Variants in NTNG1 observed in about 807,000 individuals in gnomAD.
NTNG1 encodes the protein netrin-G1.
A neutral mutation model predicts 54.0 loss-of-function variants in NTNG1; 16 were observed. The ratio of observed to expected loss-of-function variants is 0.30; its 90% CI spans 0.20 to 0.45. NTNG1 has a LOEUF of 0.45. Among genes scored for constraint, NTNG1 ranks in the 20% least tolerant of loss-of-function variants. NTNG1 has a pLI of 1.00. For missense variants in NTNG1, 530 were observed against 678.7 expected, an observed-to-expected ratio of 0.78 and a Z score of 2.43; for synonymous variants, 255 against 263.1, an observed-to-expected ratio of 0.97 and a Z score of 0.30.
intron 2 of NTNG1, among the ~76,000 whole-genome samples, chr1:107,276,277 T>C (rs1370920927): frequency 6.6e-6 from 1 of 152,132 alleles, no homozygotes; most frequent in Non-Finnish European, 1.5e-5. Flanking sequence ...TAGACTTCAG[T>C]ATTAGCAGTC....
chr1:107,443,906 C>A (rs561865810), intron 7 of NTNG1, among the ~76,000 whole-genome samples: 2 of 152,182 alleles, frequency 1.3e-5, no homozygotes, highest in East Asian at 3.9e-4. Flanking sequence ...TAGAGAGAGG[C>A]ACTTGATGTT....
At chr1:107,217,959 C>T (rs754342742) in intron 2 of NTNG1, among the ~76,000 whole-genome samples, 6 of 152,002 alleles carry the variant, frequency 3.9e-5, no homozygotes, top group Non-Finnish European at 8.8e-5. Context: ...ATCTGTTAAG[C>T]CCATTTGTTC....
At chr1:107,430,701 A>T (rs772455790) in intron 5 of NTNG1, 49 bp from the exon 6 acceptor site, 2 of 1,582,380 alleles carry the variant, frequency 1.3e-6, no homozygotes, top group Non-Finnish European at 8.7e-7. Flanking sequence ...GTATGCTATT[A>T]CTCTGCTACT....
intron 2 of NTNG1, among the ~76,000 whole-genome samples, chr1:107,251,386 A>T (rs1662595948): frequency 6.6e-6 from 1 of 152,076 alleles, no homozygotes; most frequent in Non-Finnish European, 1.5e-5. Flanking sequence ...TTCCAGCCAA[A>T]CCATTCCCCT....
chr1:107,211,763 A>G (rs1047167117), intron 2 of NTNG1, among the ~76,000 whole-genome samples: 23 of 152,218 alleles, frequency 1.5e-4, no homozygotes, highest in Non-Finnish European at 3.2e-4. Flanking sequence ...AAACATGCCC[A>G]TAAATTTAAT....
chr1:107,196,959 C>T (rs765995243), intron 2 of NTNG1, among the ~76,000 whole-genome samples: 48 of 151,472 alleles, frequency 3.2e-4, no homozygotes, highest in Non-Finnish European at 6.0e-4. Flanking sequence ...TGTGTGCGCA[C>T]GTGCATGCAT....
intron 3 of NTNG1, among the ~76,000 whole-genome samples, chr1:107,350,232 G>T (rs1322750796): frequency 1.3e-5 from 2 of 152,006 alleles, no homozygotes; most frequent in African/African-American, 2.4e-5. Flanking sequence ...TTTAATGAGA[G>T]AATTTATCTT....
In NTNG1 at chr1:107,154,595, C is replaced by CA. The variant is rs59619310; in HGVS notation, c.246+5785dup. On this transcript the variant is annotated intron_variant, in intron 2 of 7. Transcript: ENST00000370068. ...TAGGCAACAAAGCAAGACCCTGTCT[C>CA]AAAAAAAAAAAAAAAAAAAAAAAAA... is the stretch of plus-strand genomic sequence containing the variant. 9.9e-3 allele frequency among the ~76,000 whole-genome samples: 472 copies of CA among 47,740 alleles called. 18 individuals carry two copies. Among genetic ancestry groups the CA allele is most frequent in the East Asian group, 0.03 (39 of 1,316 alleles). 31.3% of individuals were successfully genotyped at this position (47,740 alleles called of 152,430 possible).
chr1:107,171,058 T>A (rs982436221), intron 2 of NTNG1, among the ~76,000 whole-genome samples: 15 of 152,164 alleles, frequency 9.9e-5, no homozygotes, highest in African/African-American at 3.6e-4. Context: ...TGACTCATCT[T>A]ATTTTGTCAG....
intron 3 of NTNG1, among the ~76,000 whole-genome samples, chr1:107,360,975 CT>C (rs1402974293): frequency 6.6e-6 from 1 of 151,692 alleles, no homozygotes; most frequent in Non-Finnish European, 1.5e-5. Context: ...TCTCGTGTAA[CT>C]GCTATCTCAC....
chr1:107,459,586 C>T (rs904855988), intron 7 of NTNG1, among the ~76,000 whole-genome samples: 4 of 152,112 alleles, frequency 2.6e-5, no homozygotes. Flanking sequence ...TCATTCAAGT[C>T]ATTTGGAATT....
At chr1:107,142,521 C>G (rs1165714860) in intron 1 of NTNG1, among the ~76,000 whole-genome samples, 1 of 151,984 alleles carries the variant, frequency 6.6e-6, no homozygotes, top group African/African-American at 2.4e-5. Context: ...TGGAGCCACT[C>G]CTCATAACAA....
intron 2 of NTNG1, among the ~76,000 whole-genome samples, chr1:107,323,357 C>T (rs1241099058): frequency 6.6e-6 from 1 of 152,106 alleles, no homozygotes; most frequent in East Asian, 1.9e-4. Flanking sequence ...TTTAGTGTAG[C>T]ATAAGCAGTG....
chr1:107,449,698 T>C (rs1676507712), intron 7 of NTNG1, among the ~76,000 whole-genome samples: 1 of 149,910 alleles, frequency 6.7e-6, no homozygotes, highest in South Asian at 2.1e-4. Context: ...AAAATCAATG[T>C]TATGAGCTTC....
chr1:107,241,956 G>A (rs1468413120), intron 2 of NTNG1, among the ~76,000 whole-genome samples: 10 of 152,118 alleles, frequency 6.6e-5, no homozygotes, highest in Admixed American at 1.3e-4. Context: ...ATTATGAAAT[G>A]TATCATACAT....
intron 2 of NTNG1, among the ~76,000 whole-genome samples, chr1:107,297,244 TATGC>T (rs1335362044): frequency 0.01 from 253 of 24,364 alleles, 13 homozygotes; most frequent in African/African-American, 0.028. Flanking sequence ...TATATATATA[TATGC>T]GCACACACAC....
intron 5 of NTNG1, among the ~76,000 whole-genome samples, chr1:107,414,514 A>C (rs752641813): frequency 1.3e-5 from 2 of 152,174 alleles, no homozygotes; most frequent in Non-Finnish European, 2.9e-5. Context: ...AATAATAGTA[A>C]TTGATAGAGG....
chr1:107,433,450 G>A (rs553090053), intron 6 of NTNG1, among the ~76,000 whole-genome samples: 10 of 152,338 alleles, frequency 6.6e-5, no homozygotes, highest in African/African-American at 2.4e-4. Flanking sequence ...GAAGGCTGAG[G>A]CAGGAGAATC....
In NTNG1 at chr1:107,480,998, C is replaced by A; in HGVS notation, c.*158C>A. The A allele has an allele frequency of 1.7e-6, 1 of 601,100 alleles. No individual in the cohort carries two copies. Among genetic ancestry groups the A allele is most frequent in the Non-Finnish European group, 2.9e-6 (1 of 339,446 alleles). The allele number at this position is 601,100 out of a possible 1,614,324, so 37.2% of individuals were successfully genotyped here. A position where few individuals can be genotyped will look rare whatever the true frequency, so the allele number is the denominator to read the frequency against. On this transcript the variant is annotated 3_prime_UTR_variant, in exon 8 of 8. Coordinates refer to ENST00000370068, the MANE Select transcript of NTNG1 (RefSeq NM_001113226.3). ...AACTGAACTAAGCCATATTTATCAC[C>A]CGTGGACAGCACATCCGAGTCAAGA...
Sources: gnomAD v4.1 joint callset for allele counts (sites outside exome capture counted in the v4.1 genomes callset) on GRCh38, gnomAD v4.1.1 for gene constraint, MANE v1.5 for transcripts, NCBI Gene and HGNC (gene_info 2026-07-23, HGNC 2026-07-21) for gene names.